SHROOM1: variants seen among roughly 807,000 people sequenced by gnomAD.
SHROOM1 encodes the protein shroom family member 1, also known as protein Shroom1.
In SHROOM1, 53 loss-of-function variants were observed where a neutral mutation model predicts 64.2. The ratio of observed to expected loss-of-function variants is 0.83; its 90% confidence interval spans 0.66 to 1.04. The LOEUF (loss-of-function observed/expected upper bound fraction) is 1.04. Ranked by LOEUF, SHROOM1 falls within the 50% of genes least tolerant of loss-of-function variation. The pLI, the probability that SHROOM1 is intolerant of heterozygous loss-of-function variation, is 0.00. For missense variants in SHROOM1, 1,179 were observed against 1,163.2 expected (o/e 1.01, Z -0.20); for synonymous variants, 490 against 518.9 (o/e 0.94, Z 0.76).
In SHROOM1 at chr5:132,823,887, C is replaced by T. The variant is rs139555657; in HGVS notation, c.1774G>A (p.Glu592Lys). Residue 592 changes from glutamate (E) to lysine (K), a missense_variant, in exon 7 of 10, where the codon GAG (glutamate) becomes AAG (lysine). Glu to Lys is a moderately conservative substitution (Grantham distance 56). Coordinates refer to ENST00000378679, the MANE Select transcript of SHROOM1 (RefSeq NM_001172700.2). The surrounding 1 kb of genome is among the most constrained non-coding windows in gnomAD (Gnocchi z 4.6). ...GTACTGGCAGCCTCCTCTCCAGCCT[C>T]CCCACAGGCAGGCCGCATTGCAGCC... ...VRAAMRPACG[E>K]AGEEAASTFE... is the part of the protein sequence containing the mutation. 679 of 1,537,474 alleles carry T rather than the reference C, an allele frequency of 4.4e-4. 1 individual carries two copies. The highest frequency in any genetic ancestry group is 2.6e-3 in the Middle Eastern group (15 of 5,670).
chr5:132,829,842 G>C, intron 1 of SHROOM1: 2 of 985,486 alleles, frequency 2.0e-6, no homozygotes, highest in Non-Finnish European at 2.4e-6. Context: ...CTCCCAGCCT[G>C]TCCGCGCTGA....
chr5:132,830,112 C>T lies in SHROOM1; in HGVS notation c.-501+482G>A. ...GGCCGCAGGGGGCGGCAGAGACACGCGGAGCGGCTCGACAGCAGATGGCCG... is the reference window on the plus strand; with the variant it reads ...GGCCGCAGGGGGCGGCAGAGACACGTGGAGCGGCTCGACAGCAGATGGCCG... On this transcript the variant is annotated intron_variant, in intron 1 of 9. Transcript: ENST00000378679. The surrounding 1 kb of genome is among the most constrained non-coding windows in gnomAD (Gnocchi z 5.9). 7.1e-6 allele frequency: 7 copies of T among 985,372 alleles called. No homozygotes were observed. The highest frequency in any genetic ancestry group is 8.4e-6 in the Non-Finnish European group (7 of 829,906). The allele number at this position is 985,372 out of a possible 1,614,324, so 61.0% of individuals were successfully genotyped here.
intron 2 of SHROOM1, among the ~76,000 whole-genome samples, 157 bp downstream of exon 2, chr5:132,827,304 T>C (rs1352650935): frequency 6.6e-6 from 1 of 152,040 alleles, no homozygotes; most frequent in African/African-American, 2.4e-5. Context: ...CCCAGCAGAG[T>C]CCCTGGCATA....
At position 132,824,728 on chromosome 5, in the gene SHROOM1, G is replaced by A; in HGVS notation, c.1128C>T (p.Cys376=). ...GGGAGGGGAGCCAGGCAGGCACAAT[G>A]CAGGTCTCTGAGACCCTCTGTTCAC... ...ADSEQRVSET[C]IVPAWLPSLP... is the part of the protein sequence containing the mutation. The change falls in exon 6 of 10, where the codon TGC becomes TGT. Residue 376 remains cysteine (C), a synonymous_variant. Transcript: ENST00000378679. 2 of 1,614,110 alleles carry A rather than the reference G, an allele frequency of 1.2e-6. No homozygotes were observed. Among genetic ancestry groups the A allele is most frequent in the Non-Finnish European group, 1.7e-6 (2 of 1,180,024 alleles).
intron 6 of SHROOM1, 96 bp downstream of exon 6, chr5:132,824,519 A>G: frequency 6.6e-7 from 1 of 1,518,690 alleles, no homozygotes; most frequent in Non-Finnish European, 8.9e-7. Context: ...CTGGAATCCC[A>G]GGCTCCAGCT....
rs1758504839 is a variant in SHROOM1 at position 132,823,068 on chromosome 5, T to G, written c.2287A>C (p.Lys763Gln). The G allele has an allele frequency of 6.3e-7, 1 of 1,593,982 alleles. No individual in the cohort carries two copies. Among genetic ancestry groups the G allele is most frequent in the Non-Finnish European group, 8.5e-7 (1 of 1,177,328 alleles). Residue 763 changes from lysine to glutamine, a missense_variant, in exon 10 of 10, where the codon AAG becomes CAG. Transcript: ENST00000378679. The surrounding 1 kb of genome is among the most constrained non-coding windows in gnomAD (Gnocchi z 4.6). ...CGCTCGCGCCGCGCTACGTGCTCCTTCAGCTCCTTGGCGTCCTCCTCCTGC... is the reference window on the plus strand; with the variant it reads ...CGCTCGCGCCGCGCTACGTGCTCCTGCAGCTCCTTGGCGTCCTCCTCCTGC... The part of the protein sequence containing the change: ...QRQEEDAKEL[K>Q]EHVARRERAV...
chr5:132,827,773 T>C (rs1758749224), intron 1 of SHROOM1, among the ~76,000 whole-genome samples, 166 bp from the exon 2 acceptor site: 1 of 152,166 alleles, frequency 6.6e-6, no homozygotes, highest in African/African-American at 2.4e-5. Context: ...TCCCTATTAG[T>C]CTTTTCTGGG....
At position 132,826,310 on chromosome 5, in the gene SHROOM1, T is replaced by C; in HGVS notation, c.-76A>G. ...TCCCTGGTCACACCGTCACAAGCGC[T>C]GGCATCCCCCAGATTTTGGCAGAGT... is the stretch of plus-strand genomic sequence containing the variant. On this transcript the variant is annotated 5_prime_UTR_variant, in exon 3 of 10. Coordinates refer to ENST00000378679, the MANE Select transcript of SHROOM1 (RefSeq NM_001172700.2). 8.1e-7 allele frequency: 1 copy of C among 1,237,422 alleles called. No individual in the cohort carries two copies. The highest frequency in any genetic ancestry group is 1.0e-6 in the Non-Finnish European group (1 of 990,866). 76.7% of individuals were successfully genotyped at this position (1,237,422 alleles called of 1,614,324 possible).
chr5:132,823,335 C>T lies in SHROOM1; in HGVS notation c.2141G>A (p.Gly714Asp). 2.5e-6 allele frequency: 4 copies of T among 1,605,636 alleles called. No homozygotes were observed. The highest frequency in any genetic ancestry group is 3.4e-6 in the Non-Finnish European group (4 of 1,179,598). Reference protein sequence around the residue: ...RFMADLERVLGLLLLLGSRLA... With the variant: ...RFMADLERVLDLLLLLGSRLA... ...GCGACTGCCCAGCAGCAGCAGAAGG[C>T]CAAGCACGCGCTCTAGGTCGGCCAT... Residue 714 changes from glycine (G) to aspartate (D), a missense_variant, in exon 9 of 10, where the codon GGC becomes GAC. Transcript: ENST00000378679. The surrounding 1 kb of genome is among the most constrained non-coding windows in gnomAD (Gnocchi z 4.6).
Position 132,822,587 on chromosome 5 carries a change from T to C in SHROOM1, c.*209A>G. ...ACCGTGTTAGCCAGGATGGTCTCGA[T>C]CTCCTGACCTTGTGATCCGCCCGCC... On this transcript the variant is annotated 3_prime_UTR_variant, in exon 10 of 10. Transcript: ENST00000378679. The C allele has an allele frequency of 1.8e-6, 1 of 542,216 alleles. No homozygotes were observed. The highest frequency in any genetic ancestry group is 3.3e-6 in the Non-Finnish European group (1 of 307,194). The allele number at this position is 542,216 out of a possible 1,614,324, so 33.6% of individuals were successfully genotyped here.
In SHROOM1 at chr5:132,825,704, T is replaced by G. The variant is rs1456059433; in HGVS notation, c.437A>C (p.Gln146Pro). ...CCGGAGCACTCGCCGCTGCGCGCCC[T>G]GAAGCCGCTGGCGGTAGGCGGCCCT... ...ASRAAYRQRL[Q>P]GAQRRVLRET... Residue 146 changes from glutamine to proline, a missense_variant, in exon 4 of 10, where the codon CAG becomes CCG. Coordinates refer to ENST00000378679, the MANE Select transcript of SHROOM1 (RefSeq NM_001172700.2). The surrounding 1 kb of genome is among the most constrained non-coding windows in gnomAD (Gnocchi z 5.1). 1 of 1,325,914 alleles carries G rather than the reference T, an allele frequency of 7.5e-7. No homozygotes were observed. Among genetic ancestry groups the G allele is most frequent in the Non-Finnish European group, 9.6e-7 (1 of 1,041,316 alleles). The allele number at this position is 1,325,914 out of a possible 1,614,324, so 82.1% of individuals were successfully genotyped here. A position where few individuals can be genotyped will look rare whatever the true frequency, so the allele number is the denominator to read the frequency against.
Position 132,824,201 on chromosome 5 carries a change from A to T in SHROOM1, c.1460T>A (p.Leu487Gln), listed in dbSNP as rs775506684. 1 of 1,614,238 alleles carries T rather than the reference A, an allele frequency of 6.2e-7. No homozygotes were observed. The highest frequency in any genetic ancestry group is 1.1e-5 in the South Asian group (1 of 91,086). ...DNIPTIDPTG[L>Q]TTNPPTAAES... ...TGCAGCTGTGGGGGGATTGGTGGTCAGTCCAGTGGGGTCAATAGTTGGGAT... is the reference window on the plus strand; with the variant it reads ...TGCAGCTGTGGGGGGATTGGTGGTCTGTCCAGTGGGGTCAATAGTTGGGAT... Residue 487 changes from leucine (L) to glutamine (Q), a missense_variant, in exon 7 of 10, where the codon CTG becomes CAG. By Grantham distance (113) the Leu-to-Gln change is moderately radical. Coordinates refer to ENST00000378679, the MANE Select transcript of SHROOM1 (RefSeq NM_001172700.2).
chr5:132,824,836 C>T lies in SHROOM1; in HGVS notation c.1035-15G>A. 6.2e-7 allele frequency: 1 copy of T among 1,613,404 alleles called. No individual in the cohort carries two copies. ...GAGGCAAGAACCTGGAGGCAGGGACCCCATAGTGACCACAGTGAAAGGAAG... is the reference window on the plus strand; with the variant it reads ...GAGGCAAGAACCTGGAGGCAGGGACTCCATAGTGACCACAGTGAAAGGAAG... On this transcript the variant is annotated splice_polypyrimidine_tract_variant and intron_variant, in intron 5 of 9. Transcript: ENST00000378679.
chr5:132,822,964 G>A lies in SHROOM1; in HGVS notation c.2391C>T (p.Ala797=), dbSNP rs1376399302. 8.1e-6 allele frequency: 13 copies of A among 1,610,496 alleles called. No individual in the cohort carries two copies. The highest frequency in any genetic ancestry group is 1.1e-5 in the Non-Finnish European group (13 of 1,179,784). Residue 797 remains alanine (A), a synonymous_variant, in exon 10 of 10, where the codon GCC becomes GCT. Transcript: ENST00000378679. ...GGTTGCGCTGCTGGGCCAGGACGGC[G>A]GCCTTGCCCGCCAGCAGGGCGCAAT... ...RVYCALLAGK[A]AVLAQQRNLD...
In SHROOM1 at chr5:132,826,388, T is replaced by C; in HGVS notation, c.-154A>G. 1 of 801,520 alleles carries C rather than the reference T, an allele frequency of 1.2e-6. No individual in the cohort carries two copies. Among genetic ancestry groups the C allele is most frequent in the Non-Finnish European group, 1.7e-6 (1 of 597,448 alleles). 49.7% of individuals were successfully genotyped at this position (801,520 alleles called of 1,614,324 possible). ...AGTAGGACCAGTCCCAGGGAGCACC[T>C]CTGAAGGTTGAGGGCCCAGCTCAGG... On this transcript the variant is annotated 5_prime_UTR_variant, in exon 3 of 10. Transcript: ENST00000378679.
In SHROOM1 at chr5:132,825,257, C is replaced by T. The variant is rs139706949; in HGVS notation, c.884G>A (p.Gly295Asp). ...MNLDSGSLKL[G>D]DAFRPASRSR... is the part of the protein sequence containing the mutation. ...CCGACTGGCGGGCCTGAAGGCATCA[C>T]CGAGCTTCAAGGACCCGGAGTCCAG... The change falls in exon 4 of 10, where the codon GGT becomes GAT. Residue 295 changes from glycine to aspartate, a missense_variant. Transcript: ENST00000378679. This position sits in a 1 kb window ranked among gnomAD's most constrained non-coding sequence, Gnocchi z 5.1. The T allele has an allele frequency of 2.7e-5, 43 of 1,613,704 alleles. No homozygotes were observed. The highest frequency in any genetic ancestry group is 5.3e-5 in the African/African-American group (4 of 74,952).
chr5:132,829,279 C>G (rs961955312), intron 1 of SHROOM1, among the ~76,000 whole-genome samples: 3 of 152,152 alleles, frequency 2.0e-5, no homozygotes, highest in African/African-American at 7.2e-5. Flanking sequence ...AGCTAGGGGT[C>G]TGGCAGGTGG....
chr5:132,823,006 C>T lies in SHROOM1; in HGVS notation c.2349G>A (p.Val783=). ...VREVLVRALP[V]EELRVYCALL... is the part of the protein sequence containing the mutation. ...GGGCGCAATAGACGCGCAGCTCCTC[C>T]ACCGGTAGTGCTCGCACCAGCACCT... Residue 783 remains valine (V), a synonymous_variant, in exon 10 of 10, where the codon GTG becomes GTA. Coordinates refer to ENST00000378679, the MANE Select transcript of SHROOM1 (RefSeq NM_001172700.2). The surrounding 1 kb of genome is among the most constrained non-coding windows in gnomAD (Gnocchi z 4.6). The T allele has an allele frequency of 1.9e-6, 3 of 1,604,952 alleles. No homozygotes were observed. The African/African-American group carries it at 4.0e-5, about 21-fold the overall frequency.
chr5:132,828,057 T>C (rs1758757008), intron 1 of SHROOM1, among the ~76,000 whole-genome samples: 1 of 152,114 alleles, frequency 6.6e-6, no homozygotes, highest in Admixed American at 6.6e-5. Flanking sequence ...CTCCATTCTC[T>C]GAGCTGCTTG....
Sources: gnomAD v4.1 joint callset for allele counts (sites outside exome capture counted in the v4.1 genomes callset) on GRCh38, gnomAD v4.1.1 for gene constraint, Gnocchi (gnomAD v3.1) non-coding constraint, MANE v1.5 for transcripts, NCBI Gene and HGNC (gene_info 2026-07-23, HGNC 2026-07-21) for gene names.